Variants in NPL observed in about 807,000 individuals in gnomAD.
NPL encodes the protein N-acetylneuraminate lyase.
In NPL, 32 loss-of-function variants were observed where a neutral mutation model predicts 41.1. The observed-to-expected ratio is 0.78, with a 90% CI of 0.59 to 1.05. NPL has a LOEUF of 1.05. NPL is among the 50% of genes least tolerant of loss of function. NPL has a pLI of 0.00. For missense variants in NPL, 321 were observed against 378.4 expected, an observed-to-expected ratio of 0.85 and a Z score of 1.26; for synonymous variants, 128 against 134.9, an observed-to-expected ratio of 0.95 and a Z score of 0.35.
chr1:182,820,490 A>G (rs925438458), intron 10 of NPL, among the ~76,000 whole-genome samples: 8 of 152,344 alleles, frequency 5.3e-5, no homozygotes, highest in Middle Eastern at 3.4e-3. Flanking sequence ...TTTGTTGACC[A>G]TATGTATTAA....
rs750756881 is a variant in NPL at position 182,812,198 on chromosome 1, G to A, written c.273G>A (p.Lys91=). 1 of 1,613,796 alleles carries A rather than the reference G, an allele frequency of 6.2e-7. No individual in the cohort carries two copies. The highest frequency in any genetic ancestry group is 1.7e-5 in the Admixed American group (1 of 60,006). ...VIIHVGALSL[K]ESQELAQHAA... is the part of the protein sequence containing the mutation. Reference sequence around the variant, plus strand: ...TTCACGTAGGAGCACTGAGCTTGAAGGAGTCACAGGAACTGGTATGTATGC... The same window carrying A: ...TTCACGTAGGAGCACTGAGCTTGAAAGAGTCACAGGAACTGGTATGTATGC... Residue 91 remains lysine, a synonymous_variant, in exon 6 of 13, where the codon AAG becomes AAA. Transcript: ENST00000367553.
intron 5 of NPL, 166 bp downstream of exon 5, chr1:182,806,398 GC>G: frequency 6.5e-7 from 1 of 1,542,618 alleles, no homozygotes. Flanking sequence ...TTGGAGAAGA[GC>G]CCCCTCCCTT....
chr1:182,803,827 T>G lies in NPL; in HGVS notation c.142+56T>G, dbSNP rs142683478. ...TCTCCAGCTCAGTCTTTAGAAGGTA[T>G]ATCTTACCTGGTTACCAGCCAAGAG... is the stretch of plus-strand genomic sequence containing the variant. On this transcript the variant is annotated intron_variant, in intron 4 of 12. Transcript: ENST00000367553. 15 of 1,224,234 alleles carry G rather than the reference T, an allele frequency of 1.2e-5. No individual in the cohort carries two copies. In the East Asian group the frequency reaches 1.4e-4, roughly 11 times the overall value. 75.8% of individuals were successfully genotyped at this position (1,224,234 alleles called of 1,614,324 possible). A position where few individuals can be genotyped will look rare whatever the true frequency, so the allele number is the denominator to read the frequency against.
chr1:182,825,551 C>T (rs1667609560), intron 11 of NPL, among the ~76,000 whole-genome samples: 2 of 152,170 alleles, frequency 1.3e-5, no homozygotes, highest in Admixed American at 6.5e-5. Context: ...ATCATTGAAG[C>T]TTCTTTTCTG....
At chr1:182,825,545 T>C (rs887219225) in intron 11 of NPL, among the ~76,000 whole-genome samples, 11 of 152,204 alleles carry the variant, frequency 7.2e-5, no homozygotes, top group African/African-American at 1.7e-4. Flanking sequence ...AATTCCATCA[T>C]TGAAGCTTCT....
At chr1:182,796,886 T>C (rs996500272) in intron 3 of NPL, among the ~76,000 whole-genome samples, 2 of 151,978 alleles carry the variant, frequency 1.3e-5, no homozygotes, top group African/African-American at 4.8e-5. Flanking sequence ...AATACAAAAA[T>C]TAGCCTGGCG....
intron 10 of NPL, among the ~76,000 whole-genome samples, chr1:182,820,906 AT>A (rs1270271823): frequency 6.6e-6 from 1 of 152,182 alleles, no homozygotes; most frequent in Non-Finnish European, 1.5e-5. Flanking sequence ...CCGCCTGGAA[AT>A]TCTTTCTTTT....
Position 182,828,680 on chromosome 1 carries a change from T to G in NPL, c.779-44T>G, listed in dbSNP as rs746826061. On this transcript the variant is annotated intron_variant, in intron 12 of 12. Coordinates refer to ENST00000367553, the MANE Select transcript of NPL (RefSeq NM_030769.3). This position sits in a 1 kb window ranked among gnomAD's most constrained non-coding sequence, Gnocchi z 4.0. ...CTTCTTTGGGATTTTTGTGGAGAGA[T>G]AGACGGTACCAGTCATGTTTCCTCA... 10 of 1,613,526 alleles carry G rather than the reference T, an allele frequency of 6.2e-6. No individual in the cohort carries two copies. Among genetic ancestry groups the G allele is most frequent in the African/African-American group, 5.3e-5 (4 of 74,938 alleles).
At chr1:182,804,317 A>G (rs1465919600) in intron 4 of NPL, among the ~76,000 whole-genome samples, 2 of 152,226 alleles carry the variant, frequency 1.3e-5, no homozygotes, top group African/African-American at 4.8e-5. Context: ...TAGTAGAGAC[A>G]GGGTCTTGCC....
intron 5 of NPL, chr1:182,809,419 A>T (rs1667114351): frequency 3.7e-6 from 1 of 271,862 alleles, no homozygotes; most frequent in African/African-American, 2.3e-5. Context: ...AGGTACCTGT[A>T]ATCCCAGCTA....
In NPL at chr1:182,800,849, C is replaced by T. The variant is rs535046891; in HGVS notation, c.69-2849C>T. ...GGTTCAAGCAATCCTGCCTCAGCAT[C>T]CCTATTACAGGCTGAGATTACAAGT... On this transcript the variant is annotated intron_variant, in intron 3 of 12. Coordinates refer to ENST00000367553, the MANE Select transcript of NPL (RefSeq NM_030769.3). Among the ~76,000 whole-genome samples the T allele has an allele frequency of 1.4e-3, 205 of 151,100 alleles. 1 individual carries two copies. Among genetic ancestry groups the T allele is most frequent in the Non-Finnish European group, 2.4e-3 (162 of 67,848 alleles).
intron 5 of NPL, among the ~76,000 whole-genome samples, chr1:182,809,021 GA>G (rs1407414580): frequency 6.6e-6 from 1 of 151,434 alleles, no homozygotes; most frequent in Non-Finnish European, 1.5e-5. Flanking sequence ...TGGATAGGGG[GA>G]TTTGGCTAGG....
intron 4 of NPL, 76 bp downstream of exon 4, chr1:182,803,847 C>CA: frequency 9.8e-7 from 1 of 1,023,028 alleles, no homozygotes; most frequent in Non-Finnish European, 1.6e-6. Flanking sequence ...GGTTACCAGC[C>CA]AAGAGGTCAC....
chr1:182,794,479 T>G, intron 3 of NPL, 40 bp downstream of exon 3: 3 of 1,590,404 alleles, frequency 1.9e-6, no homozygotes, highest in Non-Finnish European at 2.6e-6. Flanking sequence ...CAGTTCTCAT[T>G]CAACCAAAAA....
chr1:182,790,613 TTTGTTGTTGTTG>T (rs148847511), intron 1 of NPL, among the ~76,000 whole-genome samples: 3,147 of 150,466 alleles, frequency 0.021, 47 homozygotes, highest in Middle Eastern at 0.082. Context: ...GTTAAAGTCT[TTTGTTGTTGTTG>T]TTGTTGTTGT....
intron 2 of NPL, among the ~76,000 whole-genome samples, chr1:182,793,950 G>A (rs1666585812): frequency 6.6e-6 from 1 of 152,118 alleles, no homozygotes; most frequent in Non-Finnish European, 1.5e-5. Flanking sequence ...GACTTGAGTA[G>A]GCATGGATTT....
At chr1:182,796,944 A>C (rs1332114053) in intron 3 of NPL, among the ~76,000 whole-genome samples, 1 of 151,444 alleles carries the variant, frequency 6.6e-6, no homozygotes, top group East Asian at 1.9e-4. Context: ...CTGAGGCAGG[A>C]GAATCGCTTG....
chr1:182,829,603 A>AAAACTCAAAACTCAAAGTTTCAAAGAACC lies in NPL; in HGVS notation c.*699_*727dup. 1 of 1,549,882 alleles carries AAAACTCAAAACTCAAAGTTTCAAAGAACC rather than the reference A, an allele frequency of 6.5e-7. No individual in the cohort carries two copies. The highest frequency in any genetic ancestry group is 1.2e-5 in the South Asian group (1 of 84,016). On this transcript the variant is annotated 3_prime_UTR_variant, in exon 13 of 13. Coordinates refer to ENST00000367553, the MANE Select transcript of NPL (RefSeq NM_030769.3). ...TAAGTCTCCACTTTTTTCTATACAG[A>AAAACTCAAAACTCAAAGTTTCAAAGAACC]AAACTCAAAACTCAAAGTTTCAAAG...
chr1:182,798,597 A>G (rs935515167), intron 3 of NPL, among the ~76,000 whole-genome samples: 29 of 152,206 alleles, frequency 1.9e-4, no homozygotes, highest in African/African-American at 6.8e-4. Flanking sequence ...ATTAGACCAG[A>G]AAGTCCATTT....
Sources: allele counts gnomAD v4.1 joint callset (sites outside exome capture counted in the v4.1 genomes callset), GRCh38; gene constraint gnomAD v4.1.1; non-coding constraint Gnocchi (gnomAD v3.1); transcripts MANE v1.5; gene names NCBI Gene and HGNC (gene_info 2026-07-23, HGNC 2026-07-21).